The following INPP4B variants were observed in gnomAD, a reference collection of about 807,000 sequenced individuals.
The protein encoded by INPP4B is inositol polyphosphate 4-phosphatase type II.
INPP4B carries 55 observed loss-of-function variants against 122.5 expected under a neutral mutation model. That is an observed-to-expected ratio of 0.45 (90% CI 0.36 to 0.56). The LOEUF (loss-of-function observed/expected upper bound fraction) is 0.56, where lower values mean the gene tolerates loss of function less well. Ranked by LOEUF, INPP4B falls within the 20% of genes least tolerant of loss-of-function variation. The pLI, the probability that INPP4B is intolerant of heterozygous loss-of-function variation, is 0.00. For missense variants in INPP4B, 1,000 were observed against 1,097.7 expected, an observed-to-expected ratio of 0.91 and a Z score of 1.26; for synonymous variants, 403 against 388.7, an observed-to-expected ratio of 1.04 and a Z score of -0.43.
At chr4:142,118,239 A>G (rs554890407) in intron 21 of INPP4B, among the ~76,000 whole-genome samples, 4 of 152,192 alleles carry the variant, frequency 2.6e-5, no homozygotes, top group African/African-American at 9.7e-5. Flanking sequence ...TATAGATTCA[A>G]TGCCAACCCC....
At chr4:142,789,036 G>A (rs919419549) in intron 1 of INPP4B, among the ~76,000 whole-genome samples, 10 of 151,984 alleles carry the variant, frequency 6.6e-5, no homozygotes, top group South Asian at 2.1e-4. Flanking sequence ...ATCCAGCATC[G>A]CTTTAGATTA....
intron 1 of INPP4B, among the ~76,000 whole-genome samples, chr4:142,800,724 G>T (rs1432923874): frequency 1.3e-5 from 2 of 152,094 alleles, no homozygotes; most frequent in Non-Finnish European, 2.9e-5. Context: ...CTGTTTCAGG[G>T]ATTTATGTTA....
At chr4:142,626,624 A>G (rs1309015176) in intron 2 of INPP4B, among the ~76,000 whole-genome samples, 1 of 152,040 alleles carries the variant, frequency 6.6e-6, no homozygotes, top group Non-Finnish European at 1.5e-5. Context: ...ATCATGGGCA[A>G]TGACCCCAGT....
chr4:142,630,596 G>A (rs1353854538), intron 2 of INPP4B, among the ~76,000 whole-genome samples: 1 of 140,834 alleles, frequency 7.1e-6, no homozygotes, highest in Non-Finnish European at 1.6e-5. Flanking sequence ...AAAAAATACT[G>A]CATTTTAAGT....
At chr4:142,177,076 T>C (rs1330269142) in intron 15 of INPP4B, among the ~76,000 whole-genome samples, 1 of 152,130 alleles carries the variant, frequency 6.6e-6, no homozygotes, top group African/African-American at 2.4e-5. Flanking sequence ...TGGGACATAA[T>C]CCTAACTCCT....
At chr4:142,213,566 C>T (rs903280471) in intron 12 of INPP4B, among the ~76,000 whole-genome samples, 2 of 152,120 alleles carry the variant, frequency 1.3e-5, no homozygotes, top group Non-Finnish European at 2.9e-5. Flanking sequence ...AGAAAGCTTC[C>T]TCTGCAGTAT....
At chr4:142,552,714 TGTAA>T (rs1560791051) in intron 2 of INPP4B, among the ~76,000 whole-genome samples, 2 of 152,250 alleles carry the variant, frequency 1.3e-5, no homozygotes, top group East Asian at 3.8e-4. Flanking sequence ...CAGACACTGC[TGTAA>T]GTATTTTATT....
intron 1 of INPP4B, among the ~76,000 whole-genome samples, chr4:142,745,737 ATATATAG>A (rs1057145092): frequency 6.6e-6 from 1 of 151,972 alleles, no homozygotes; most frequent in African/African-American, 2.4e-5. Flanking sequence ...GATGGAAATA[ATATATAG>A]TATAAACAGG....
chr4:142,576,860 G>T (rs1196687049), intron 2 of INPP4B, among the ~76,000 whole-genome samples: 1 of 151,964 alleles, frequency 6.6e-6, no homozygotes, highest in African/African-American at 2.4e-5. Context: ...CCACGGTAAG[G>T]TTTATGCTAT....
In INPP4B at chr4:142,328,183, G is replaced by A. The variant is rs116288852; in HGVS notation, c.373-13421C>T. Reference sequence around the variant, plus strand: ...TAAATTAAATGTCATGAACTCTTCTGACGAAGAAAATAAGGAAATGTACAG... The same window carrying A: ...TAAATTAAATGTCATGAACTCTTCTAACGAAGAAAATAAGGAAATGTACAG... On this transcript the variant is annotated intron_variant, in intron 7 of 25. Coordinates refer to ENST00000262992, the MANE Select transcript of INPP4B (RefSeq NM_001101669.3). Among the ~76,000 whole-genome samples the A allele has an allele frequency of 2.5e-3, 384 of 152,254 alleles. 1 individual carries two copies. The highest frequency in any genetic ancestry group is 8.9e-3 in the African/African-American group (371 of 41,536).
intron 15 of INPP4B, among the ~76,000 whole-genome samples, chr4:142,176,172 T>C (rs907861658): frequency 2.1e-5 from 3 of 143,932 alleles, no homozygotes; most frequent in Non-Finnish European, 4.6e-5. Flanking sequence ...AGTTCTAGGG[T>C]ACATGTGCAT....
chr4:142,533,900 T>C (rs556554929), intron 2 of INPP4B, among the ~76,000 whole-genome samples: 1 of 152,312 alleles, frequency 6.6e-6, no homozygotes, highest in South Asian at 2.1e-4. Flanking sequence ...GATGCCATGG[T>C]CATAAACTTG....
chr4:142,513,057 T>C (rs1184265177), intron 2 of INPP4B, among the ~76,000 whole-genome samples: 2 of 152,180 alleles, frequency 1.3e-5, no homozygotes, highest in Non-Finnish European at 2.9e-5. Context: ...ATAAACTTCA[T>C]TTAAAATGGT....
chr4:142,493,406 G>A (rs1323256066), intron 2 of INPP4B, among the ~76,000 whole-genome samples: 1 of 152,174 alleles, frequency 6.6e-6, no homozygotes, highest in Non-Finnish European at 1.5e-5. Flanking sequence ...TATGCACCTA[G>A]AAAAGCCACA....
chr4:142,149,226 T>C (rs1044798658), intron 17 of INPP4B, among the ~76,000 whole-genome samples: 1 of 152,106 alleles, frequency 6.6e-6, no homozygotes, highest in Non-Finnish European at 1.5e-5. Context: ...GTAATTTTTG[T>C]TGGAGGAAAG....
intron 1 of INPP4B, among the ~76,000 whole-genome samples, chr4:142,789,948 G>A (rs993968827): frequency 3.3e-5 from 5 of 151,992 alleles, no homozygotes; most frequent in African/African-American, 4.8e-5. Flanking sequence ...ACAGCCAACT[G>A]ATCTTCAACA....
intron 7 of INPP4B, among the ~76,000 whole-genome samples, chr4:142,350,674 G>A (rs1781680369): frequency 6.6e-6 from 1 of 152,006 alleles, no homozygotes; most frequent in African/African-American, 2.4e-5. Flanking sequence ...ATTTAAGAAT[G>A]TCTAAGCCAC....
At chr4:142,423,023 T>G (rs1274677317) in intron 5 of INPP4B, among the ~76,000 whole-genome samples, 1 of 152,028 alleles carries the variant, frequency 6.6e-6, no homozygotes, top group Non-Finnish European at 1.5e-5. Context: ...GGTATTCCCT[T>G]CAGCTAGCAT....
At chr4:142,129,988 G>A (rs943040211) in intron 18 of INPP4B, among the ~76,000 whole-genome samples, 1 of 152,138 alleles carries the variant, frequency 6.6e-6, no homozygotes, top group African/African-American at 2.4e-5. Context: ...AAGGTAAGAA[G>A]TACAAAGGAA....
Sources: gnomAD v4.1 joint callset for allele counts (sites outside exome capture counted in the v4.1 genomes callset) on GRCh38, gnomAD v4.1.1 for gene constraint, MANE v1.5 for transcripts, NCBI Gene and HGNC (gene_info 2026-07-23, HGNC 2026-07-21) for gene names.